The following NEK7 variants were observed in gnomAD, a reference collection of about 807,000 sequenced individuals.
NEK7 encodes NIMA related kinase 7.
A neutral mutation model predicts 44.6 loss-of-function variants in NEK7; 18 were observed. The observed-to-expected ratio is 0.40, with a 90% CI of 0.28 to 0.60. The LOEUF (loss-of-function observed/expected upper bound fraction) is 0.60, where lower values mean the gene tolerates loss of function less well. Ranked by LOEUF, NEK7 falls within the 20% of genes least tolerant of loss-of-function variation. NEK7 has a pLI of 0.38. For missense variants in NEK7, 256 were observed against 366.5 expected (o/e 0.70, Z 2.46); for synonymous variants, 130 against 121.1 (o/e 1.07, Z -0.48).
At chr1:198,248,923 G>A (rs1666908883) in intron 2 of NEK7, among the ~76,000 whole-genome samples, 1 of 151,466 alleles carries the variant, frequency 6.6e-6, no homozygotes, top group Non-Finnish European at 1.5e-5. Context: ...AAGTTTTAGG[G>A]TACATGTGCA....
chr1:198,281,095 C>T (rs572427247), intron 7 of NEK7, among the ~76,000 whole-genome samples: 46 of 152,014 alleles, frequency 3.0e-4, no homozygotes, highest in Middle Eastern at 3.4e-3. Flanking sequence ...CTCCAGTCTA[C>T]TAAGGCTCTT....
At chr1:198,278,873 GTCAC>G in intron 6 of NEK7, 77 bp from the exon 7 acceptor site, 1 of 711,994 alleles carries the variant, frequency 1.4e-6, no homozygotes, top group Non-Finnish European at 2.4e-6. Flanking sequence ...TTTAAATTCT[GTCAC>G]GAAAAGTAGT....
chr1:198,188,297 ATAAAAG>A (rs1664977041), intron 1 of NEK7, among the ~76,000 whole-genome samples: 1 of 152,200 alleles, frequency 6.6e-6, no homozygotes, highest in South Asian at 2.1e-4. Flanking sequence ...TTCATAGGTG[ATAAAAG>A]TAGATAAGAC....
intron 1 of NEK7, among the ~76,000 whole-genome samples, chr1:198,201,701 T>C (rs1665433392): frequency 6.6e-6 from 1 of 152,242 alleles, no homozygotes; most frequent in South Asian, 2.1e-4. Context: ...TATGCTCTTC[T>C]GCTCCCATTT....
Position 198,275,615 on chromosome 1 carries a change from T to TATTTTTTA in NEK7, c.373-2346_373-2345insATTTTTTA, listed in dbSNP as rs1653994174. ...GATAATTAACTTTTAAAAAGATATG[T>TATTTTTTA]GTTTATTAGAATAAATTTTAAGAGA... On this transcript the variant is annotated intron_variant, in intron 5 of 9. Transcript: ENST00000367385. Among the ~76,000 whole-genome samples, 3 of 151,498 alleles carry TATTTTTTA rather than the reference T, an allele frequency of 2.0e-5. No individual in the cohort carries two copies. The South Asian group carries it at 6.2e-4, about 31-fold the overall frequency.
intron 1 of NEK7, among the ~76,000 whole-genome samples, chr1:198,162,811 G>A (rs1424100761): frequency 6.6e-6 from 1 of 151,928 alleles, no homozygotes; most frequent in Non-Finnish European, 1.5e-5. Context: ...GACTTTCTTT[G>A]GAGTGTGGGG....
chr1:198,272,137 A>G (rs1653872584), intron 5 of NEK7, among the ~76,000 whole-genome samples: 1 of 151,650 alleles, frequency 6.6e-6, no homozygotes, highest in Admixed American at 6.6e-5. Flanking sequence ...GAAGCAGTAT[A>G]GAACTTAGAG....
intron 1 of NEK7, among the ~76,000 whole-genome samples, chr1:198,230,561 C>A (rs971964641): frequency 4.6e-5 from 7 of 151,920 alleles, no homozygotes; most frequent in African/African-American, 1.7e-4. Context: ...AAATGTATAG[C>A]TAACATAATA....
At chr1:198,243,779 G>A (rs1028787397) in intron 2 of NEK7, among the ~76,000 whole-genome samples, 5 of 151,970 alleles carry the variant, frequency 3.3e-5, no homozygotes, top group Non-Finnish European at 5.9e-5. Context: ...GACACTTAAC[G>A]AAACTTTAGG....
intron 5 of NEK7, among the ~76,000 whole-genome samples, chr1:198,265,439 G>A (rs1383416497): frequency 1.3e-5 from 2 of 152,144 alleles, no homozygotes; most frequent in African/African-American, 4.8e-5. Flanking sequence ...TTAAAAGCAA[G>A]CAAAGGAATG....
chr1:198,308,548 A>G (rs6659288), intron 9 of NEK7, among the ~76,000 whole-genome samples: 79,102 of 152,054 alleles, frequency 0.52, 23,550 homozygotes, highest in East Asian at 0.89. Context: ...TGAAATCTTA[A>G]AGGAACTTAA....
chr1:198,217,982 A>G (rs1446086376), intron 1 of NEK7, among the ~76,000 whole-genome samples: 1 of 152,066 alleles, frequency 6.6e-6, no homozygotes, highest in African/African-American at 2.4e-5. Flanking sequence ...GAAAGAATCA[A>G]TATTGTGAAA....
chr1:198,204,457 C>T (rs1476787154), intron 1 of NEK7, among the ~76,000 whole-genome samples: 2 of 151,950 alleles, frequency 1.3e-5, no homozygotes, highest in African/African-American at 4.8e-5. Context: ...CGGTGGCTCA[C>T]GCCTGTAATC....
rs141622585 is a variant in NEK7 at position 198,233,873 on chromosome 1, A to G, written c.57+1236A>G. ...TGCTGATTTTGATTTTGTACCCTCCATCTTCCCCTCCAATTTTCTAAATCC... is the reference window on the plus strand; with the variant it reads ...TGCTGATTTTGATTTTGTACCCTCCGTCTTCCCCTCCAATTTTCTAAATCC... On this transcript the variant is annotated intron_variant, in intron 2 of 9. Coordinates refer to ENST00000367385, the MANE Select transcript of NEK7 (RefSeq NM_133494.3). Among the ~76,000 whole-genome samples the G allele has an allele frequency of 6.9e-3, 1,033 of 149,854 alleles. 10 individuals are homozygous for G. Among genetic ancestry groups the G allele is most frequent in the African/African-American group, 0.02 (801 of 40,634 alleles).
At chr1:198,200,044 C>T (rs1382762645) in intron 1 of NEK7, among the ~76,000 whole-genome samples, 1 of 152,038 alleles carries the variant, frequency 6.6e-6, no homozygotes, top group East Asian at 1.9e-4. Flanking sequence ...ACTTCTTGCC[C>T]CATTACCCTG....
At position 198,321,162 on chromosome 1, in the gene NEK7, A is replaced by G. The variant is rs1335074341; in HGVS notation, c.*1640A>G. 2 of 152,200 alleles carry G rather than the reference A, an allele frequency of 1.3e-5. No individual in the cohort carries two copies. Among genetic ancestry groups the G allele is most frequent in the African/African-American group, 4.8e-5 (2 of 41,434 alleles). The allele number at this position is 152,200 out of a possible 1,614,324, so 9.4% of individuals were successfully genotyped here. On this transcript the variant is annotated 3_prime_UTR_variant, in exon 10 of 10. Transcript: ENST00000367385. The stretch of plus-strand genomic sequence containing the variant: ...TCTTACACTCATTTGAATGCTTTCA[A>G]GCATTTGTAAACTTAAAAAATGTAT...
At chr1:198,303,514 CAGGT>C (rs1200374889) in intron 9 of NEK7, among the ~76,000 whole-genome samples, 2 of 151,686 alleles carry the variant, frequency 1.3e-5, no homozygotes, top group Non-Finnish European at 2.9e-5. Flanking sequence ...ATGAAAGTGT[CAGGT>C]AGAGATTATT....
At chr1:198,160,657 C>CT (rs1232339640) in intron 1 of NEK7, among the ~76,000 whole-genome samples, 1 of 152,094 alleles carries the variant, frequency 6.6e-6, no homozygotes, top group Admixed American at 6.5e-5. Flanking sequence ...TTTCTTTACC[C>CT]TTTTGAGACT....
chr1:198,268,862 C>G (rs1653746264), intron 5 of NEK7, among the ~76,000 whole-genome samples: 1 of 152,024 alleles, frequency 6.6e-6, no homozygotes, highest in Admixed American at 6.6e-5. Context: ...GCTCATTGGC[C>G]TTTCATTTCC....
Sources: gnomAD v4.1 joint callset for allele counts (sites outside exome capture counted in the v4.1 genomes callset) on GRCh38, gnomAD v4.1.1 for gene constraint, MANE v1.5 for transcripts, NCBI Gene and HGNC (gene_info 2026-07-23, HGNC 2026-07-21) for gene names.